Variants in CACNG2 observed in about 807,000 individuals in gnomAD.
The protein encoded by CACNG2 is voltage-dependent calcium channel gamma-2 subunit.
A neutral mutation model predicts 25.9 loss-of-function variants in CACNG2; 3 were observed. The observed-to-expected ratio is 0.12, with a 90% CI of 0.05 to 0.30. CACNG2 has a LOEUF of 0.30. CACNG2 is among the 10% of genes least tolerant of loss of function. CACNG2 has a pLI of 1.00. For synonymous variants in CACNG2, 167 were observed against 173.3 expected, an observed-to-expected ratio of 0.96 and a Z score of 0.29; for missense variants, 341 against 432.5, an observed-to-expected ratio of 0.79 and a Z score of 1.88.
intron 1 of CACNG2, among the ~76,000 whole-genome samples, chr22:36,683,921 A>G (rs1329139269): frequency 6.6e-6 from 1 of 152,064 alleles, no homozygotes; most frequent in Non-Finnish European, 1.5e-5. Context: ...GTCAAATTGT[A>G]ACTAAGAACC....
At chr22:36,612,288 T>C (rs1935954091) in intron 1 of CACNG2, among the ~76,000 whole-genome samples, 1 of 152,214 alleles carries the variant, frequency 6.6e-6, no homozygotes, top group South Asian at 2.1e-4. Flanking sequence ...ATAGGCCAGC[T>C]AATATTTGTA....
intron 2 of CACNG2, among the ~76,000 whole-genome samples, chr22:36,581,548 C>T (rs2145917979): frequency 6.6e-6 from 1 of 152,318 alleles, no homozygotes; most frequent in South Asian, 2.1e-4. Context: ...TCTCTGTCCT[C>T]CCTCTCTGCT....
chr22:36,638,081 G>C (rs1272787115), intron 1 of CACNG2, among the ~76,000 whole-genome samples: 1 of 152,044 alleles, frequency 6.6e-6, no homozygotes, highest in Admixed American at 6.6e-5. Context: ...CTCCTCTGTG[G>C]GTTCATGTGT....
intron 2 of CACNG2, among the ~76,000 whole-genome samples, chr22:36,571,264 C>A (rs1388035431): frequency 6.6e-6 from 1 of 151,906 alleles, no homozygotes; most frequent in African/African-American, 2.4e-5. Context: ...CGAGACCAAC[C>A]TGGCCAGCAT....
intron 2 of CACNG2, among the ~76,000 whole-genome samples, chr22:36,571,882 C>CAAAAAAA (rs1190439992): frequency 1.0e-5 from 1 of 99,488 alleles, no homozygotes. Context: ...GTCTCAAAAA[C>CAAAAAAA]AAAAAAAAAA....
At chr22:36,633,949 C>A (rs947089250) in intron 1 of CACNG2, among the ~76,000 whole-genome samples, 1 of 152,124 alleles carries the variant, frequency 6.6e-6, no homozygotes. Flanking sequence ...CAAGATGATT[C>A]AAATAGATGC....
In CACNG2 at chr22:36,702,436, C is replaced by T. The variant is rs1374977837; in HGVS notation, c.141G>A (p.Glu47=). The T allele has an allele frequency of 1.2e-6, 2 of 1,613,990 alleles. No individual in the cohort carries two copies. The highest frequency in any genetic ancestry group is 1.7e-5 in the Admixed American group (1 of 60,004). The change falls in exon 1 of 4, where the codon GAG becomes GAA. Residue 47 remains glutamate (E), a synonymous_variant. Transcript: ENST00000300105. ...CCTCGTTCTTTTTGCTGGTTTCATTCTCACTGACACTTTTGGTCTTGCAAA... is the reference window on the plus strand; with the variant it reads ...CCTCGTTCTTTTTGCTGGTTTCATTTTCACTGACACTTTTGGTCTTGCAAA... ...RGVCKTKSVS[E]NETSKKNEEV...
intron 2 of CACNG2, among the ~76,000 whole-genome samples, chr22:36,569,293 G>T (rs1935185478): frequency 6.6e-6 from 1 of 152,110 alleles, no homozygotes; most frequent in Non-Finnish European, 1.5e-5. Flanking sequence ...GAGGTTCAGA[G>T]AGAGAAACTC....
intron 1 of CACNG2, among the ~76,000 whole-genome samples, chr22:36,603,756 C>T (rs903184936): frequency 1.3e-5 from 2 of 152,046 alleles, no homozygotes; most frequent in Non-Finnish European, 2.9e-5. Context: ...ATTTTAAGCC[C>T]GCTATTAAGA....
rs564643955 is a variant in CACNG2 at position 36,646,306 on chromosome 22, C to T, written c.211+56060G>A. On this transcript the variant is annotated intron_variant, in intron 1 of 3. Coordinates refer to ENST00000300105, the MANE Select transcript of CACNG2 (RefSeq NM_006078.5). The stretch of plus-strand genomic sequence containing the variant: ...ACTCAAGTTTGAGATAGTGACATTA[C>T]GCCTGGCATACTAAAAAAAAAGTTC... Among the ~76,000 whole-genome samples the T allele has an allele frequency of 3.9e-5, 6 of 152,172 alleles. No individual in the cohort carries two copies. In the East Asian group the frequency reaches 5.8e-4, roughly 15 times the overall value.
intron 1 of CACNG2, among the ~76,000 whole-genome samples, chr22:36,665,730 CA>C (rs1203781591): frequency 6.6e-6 from 1 of 152,140 alleles, no homozygotes; most frequent in East Asian, 1.9e-4. Context: ...ACAACAACAA[CA>C]AAAAACAAGA....
chr22:36,625,693 G>A (rs149481532), intron 1 of CACNG2, among the ~76,000 whole-genome samples: 110 of 152,256 alleles, frequency 7.2e-4, no homozygotes, highest in African/African-American at 2.5e-3. Flanking sequence ...TGGAGAAATC[G>A]TGTTTATCTT....
intron 1 of CACNG2, among the ~76,000 whole-genome samples, chr22:36,610,364 C>G (rs2267345): frequency 2.2e-5 from 3 of 138,020 alleles, no homozygotes; most frequent in Non-Finnish European, 3.2e-5. Flanking sequence ...CCCCGTAGAG[C>G]GTGATTGGGA....
intron 1 of CACNG2, among the ~76,000 whole-genome samples, chr22:36,643,094 T>C (rs910515528): frequency 6.8e-6 from 1 of 147,530 alleles, no homozygotes; most frequent in African/African-American, 2.5e-5. Flanking sequence ...CTTCTTTCTC[T>C]CTTTCTCTTC....
intron 1 of CACNG2, among the ~76,000 whole-genome samples, chr22:36,610,317 G>T (rs966985964): frequency 6.7e-6 from 1 of 149,682 alleles, no homozygotes; most frequent in Admixed American, 6.6e-5. Flanking sequence ...TGATTGGGCA[G>T]GAATCAGCTC....
intron 2 of CACNG2, among the ~76,000 whole-genome samples, chr22:36,577,601 G>A (rs2145914692): frequency 6.8e-6 from 1 of 147,992 alleles, no homozygotes; most frequent in Non-Finnish European, 1.5e-5. Flanking sequence ...AGTGAGCCGA[G>A]ATCATGCCAC....
chr22:36,576,354 A>C (rs4820241), intron 2 of CACNG2, among the ~76,000 whole-genome samples: 51,626 of 151,868 alleles, frequency 0.34, 8,866 homozygotes, highest in African/African-American at 0.36. Context: ...AGAATGATAG[A>C]ATGGACTCTG....
chr22:36,568,196 G>A (rs1009749461), intron 2 of CACNG2, among the ~76,000 whole-genome samples: 1 of 152,070 alleles, frequency 6.6e-6, no homozygotes, highest in Non-Finnish European at 1.5e-5. Flanking sequence ...AGGAAGTTGA[G>A]TCCTGATAAT....
chr22:36,634,431 C>T (rs1429924192), intron 1 of CACNG2, among the ~76,000 whole-genome samples: 1 of 152,142 alleles, frequency 6.6e-6, no homozygotes, highest in Non-Finnish European at 1.5e-5. Flanking sequence ...GGCATATGTC[C>T]CTGAATCAAT....
Sources: allele counts gnomAD v4.1 joint callset (sites outside exome capture counted in the v4.1 genomes callset), GRCh38; gene constraint gnomAD v4.1.1; transcripts MANE v1.5; gene names NCBI Gene and HGNC (gene_info 2026-07-23, HGNC 2026-07-21).